The following ARHGEF2 variants were observed in gnomAD, a reference collection of about 807,000 sequenced individuals.
ARHGEF2 encodes the protein rho guanine nucleotide exchange factor 2.
A neutral mutation model predicts 121.0 loss-of-function variants in ARHGEF2; 22 were observed. That is an observed-to-expected ratio of 0.18 (90% CI 0.13 to 0.26). The LOEUF (loss-of-function observed/expected upper bound fraction) is 0.26, where lower values mean the gene tolerates loss of function less well. Ranked by LOEUF, ARHGEF2 falls within the 10% of genes least tolerant of loss-of-function variation. ARHGEF2 has a pLI of 1.00. For missense variants in ARHGEF2, 907 were observed against 1,336.0 expected, an observed-to-expected ratio of 0.68 and a Z score of 5.01; for synonymous variants, 487 against 530.0, an observed-to-expected ratio of 0.92 and a Z score of 1.11.
Position 155,954,950 on chromosome 1 carries a change from A to G in ARHGEF2, c.1735T>C (p.Phe579Leu). The change falls in exon 14 of 22, where the codon TTC becomes CTC. Residue 579 changes from phenylalanine (F) to leucine (L), a missense_variant. Coordinates refer to ENST00000361247, the MANE Select transcript of ARHGEF2 (RefSeq NM_001162383.2). ...SVRTCPSRED[F>L]PLIETEDEAY... The stretch of plus-strand genomic sequence containing the variant: ...TCATCCTCTGTCTCAATCAGGGGGA[A>G]GTCCTCCCTGGATGGGCATCTGGAG... 1 of 1,611,602 alleles carries G rather than the reference A, an allele frequency of 6.2e-7. No homozygotes were observed. The highest frequency in any genetic ancestry group is 1.3e-5 in the African/African-American group (1 of 74,974).
At chr1:155,948,828 G>A (rs77513702) in intron 21 of ARHGEF2, among the ~76,000 whole-genome samples, 3,528 of 152,092 alleles carry the variant, frequency 0.023, 125 homozygotes, top group African/African-American at 0.081. Flanking sequence ...TCTTTCTGTC[G>A]CCCAGGCTGG....
chr1:155,973,574 C>T (rs1439186093), intron 1 of ARHGEF2, among the ~76,000 whole-genome samples: 1 of 151,978 alleles, frequency 6.6e-6, no homozygotes, highest in African/African-American at 2.4e-5. Flanking sequence ...GGCAAAACCC[C>T]ATCTCTACTA....
intron 14 of ARHGEF2, 119 bp from the exon 15 acceptor site, chr1:155,952,947 AT>A: frequency 1.1e-6 from 1 of 895,926 alleles, no homozygotes; most frequent in Non-Finnish European, 1.7e-6. Flanking sequence ...TAATTTTGTT[AT>A]TTTGGCATTT....
In ARHGEF2 at chr1:155,947,357, C is replaced by G. The variant is rs1212613560; in HGVS notation, c.*585G>C. The G allele has an allele frequency of 4.4e-6, 2 of 456,566 alleles. No homozygotes were observed. Among genetic ancestry groups the G allele is most frequent in the Admixed American group, 4.7e-5 (2 of 42,556 alleles). 28.3% of individuals were successfully genotyped at this position (456,566 alleles called of 1,614,324 possible). On this transcript the variant is annotated 3_prime_UTR_variant, in exon 22 of 22. Transcript: ENST00000361247. Reference sequence around the variant, plus strand: ...CCTTTATTCCATCAACTCCAGGAAGCCAGGTTATCTCCCAGGGCTTCCATG... The same window carrying G: ...CCTTTATTCCATCAACTCCAGGAAGGCAGGTTATCTCCCAGGGCTTCCATG...
intron 1 of ARHGEF2, among the ~76,000 whole-genome samples, chr1:155,971,905 A>C (rs1431990736): frequency 6.6e-6 from 1 of 151,048 alleles, no homozygotes; most frequent in East Asian, 1.9e-4. Flanking sequence ...ATATATACAT[A>C]TATATATATA....
chr1:155,952,315 C>A, intron 15 of ARHGEF2, 80 bp from the exon 16 acceptor site: 1 of 1,577,886 alleles, frequency 6.3e-7, no homozygotes, highest in South Asian at 1.1e-5. Context: ...ACATGTGGGA[C>A]ACTTGGGCAT....
chr1:155,958,452 T>C, intron 11 of ARHGEF2, 56 bp from the exon 12 acceptor site: 2 of 1,364,598 alleles, frequency 1.5e-6, no homozygotes, highest in African/African-American at 2.9e-5. Flanking sequence ...GAGCAGCTGC[T>C]TCCCTCTTTC....
rs377329421 is a variant in ARHGEF2 at position 155,957,452 on chromosome 1, G to A, written c.1715+261C>T. Among the ~76,000 whole-genome samples the A allele has an allele frequency of 5.9e-5, 9 of 152,374 alleles. No homozygotes were observed. The East Asian group carries it at 1.7e-3, about 29-fold the overall frequency. On this transcript the variant is annotated intron_variant, in intron 13 of 21. Transcript: ENST00000361247. ...TGTTGGCTGGCAGGTATGCCACCAT[G>A]TGACAGCTCAAAGTATTCCCTTGCT...
At position 155,954,930 on chromosome 1, in the gene ARHGEF2, C is replaced by T. The variant is rs1421587096; in HGVS notation, c.1755G>A (p.Glu585=). 1 of 1,612,132 alleles carries T rather than the reference C, an allele frequency of 6.2e-7. No individual in the cohort carries two copies. Among genetic ancestry groups the T allele is most frequent in the Non-Finnish European group, 8.5e-7 (1 of 1,179,178 alleles). The change falls in exon 14 of 22, where the codon GAG becomes GAA. Residue 585 remains glutamate (E), a synonymous_variant. Coordinates refer to ENST00000361247, the MANE Select transcript of ARHGEF2 (RefSeq NM_001162383.2). The part of the protein sequence containing the change: ...SREDFPLIET[E]DEAYLRRIKM... ...TAATTCGCCGCAGGTAAGCCTCATC[C>T]TCTGTCTCAATCAGGGGGAAGTCCT...
In ARHGEF2 at chr1:155,947,613, T is replaced by C. The variant is rs1412812290; in HGVS notation, c.*329A>G. ...CAAGGACAAGGCCCTCTGATCCCTA[T>C]GGCTTGGTTCCCATGTCCCTGGTCC... On this transcript the variant is annotated 3_prime_UTR_variant, in exon 22 of 22. Transcript: ENST00000361247. 1.6e-5 allele frequency: 6 copies of C among 371,964 alleles called. No individual in the cohort carries two copies. The highest frequency in any genetic ancestry group is 3.1e-5 in the Non-Finnish European group (6 of 194,840). 23.0% of individuals were successfully genotyped at this position (371,964 alleles called of 1,614,324 possible).
At chr1:155,948,975 C>T (rs931858257) in intron 21 of ARHGEF2, among the ~76,000 whole-genome samples, 12 of 152,050 alleles carry the variant, frequency 7.9e-5, no homozygotes, top group Admixed American at 2.6e-4. Context: ...GGACCAGGCA[C>T]GGTGGCTCAC....
chr1:155,978,512 C>G lies in ARHGEF2; in HGVS notation c.-85G>C. 21 of 1,319,612 alleles carry G rather than the reference C, an allele frequency of 1.6e-5. No individual in the cohort carries two copies. The South Asian group carries it at 3.4e-4, about 21-fold the overall frequency. 81.7% of individuals were successfully genotyped at this position (1,319,612 alleles called of 1,614,324 possible). On this transcript the variant is annotated 5_prime_UTR_variant, in exon 1 of 22. Coordinates refer to ENST00000361247, the MANE Select transcript of ARHGEF2 (RefSeq NM_001162383.2). This position sits in a 1 kb window ranked among gnomAD's most constrained non-coding sequence, Gnocchi z 4.1. ...GGAAGGCGGGGGGAGGGGTTCGGCC[C>G]GCACGCGTTGGTCTCGGGGACAGGA...
intron 1 of ARHGEF2, among the ~76,000 whole-genome samples, chr1:155,977,882 C>T (rs1681583413): frequency 6.6e-6 from 1 of 152,176 alleles, no homozygotes; most frequent in African/African-American, 2.4e-5. Flanking sequence ...GGAAACCACC[C>T]CCTCCCGTCC....
At chr1:155,971,590 A>G (rs1680474361) in intron 1 of ARHGEF2, among the ~76,000 whole-genome samples, 1 of 150,856 alleles carries the variant, frequency 6.6e-6, no homozygotes. Context: ...AAAAAAAAAA[A>G]AAGAAGTTCA....
At position 155,951,945 on chromosome 1, in the gene ARHGEF2, T is replaced by G; in HGVS notation, c.2146A>C (p.Arg716=). The G allele has an allele frequency of 6.2e-7, 1 of 1,614,108 alleles. No individual in the cohort carries two copies. Among genetic ancestry groups the G allele is most frequent in the African/African-American group, 1.3e-5 (1 of 75,026 alleles). Residue 716 remains arginine (R), a synonymous_variant, in exon 17 of 22, where the codon AGA becomes CGA. Coordinates refer to ENST00000361247, the MANE Select transcript of ARHGEF2 (RefSeq NM_001162383.2). The surrounding 1 kb of genome is among the most constrained non-coding windows in gnomAD (Gnocchi z 5.1). ...CTCTGGCTAGAGTCTGAGTCAGCTC[T>G]GCAGAGTTCAATGGAGCCATTGAAG... The part of the protein sequence containing the change: ...RTFNGSIELC[R]ADSDSSQRDR...
At chr1:155,972,143 C>A (rs1680588483) in intron 1 of ARHGEF2, 2 of 389,886 alleles carry the variant, frequency 5.1e-6, no homozygotes, top group African/African-American at 2.1e-5. Flanking sequence ...AGGGAGAAGA[C>A]TGGGGCAGCC....
At position 155,963,118 on chromosome 1, in the gene ARHGEF2, C is replaced by T; in HGVS notation, c.790G>A (p.Gly264Arg). Residue 264 changes from glycine (G) to arginine (R), a missense_variant, in exon 8 of 22, where the codon GGG becomes AGG. Gly to Arg is a moderately radical substitution (Grantham distance 125, BLOSUM62 -2). Transcript: ENST00000361247. Reference protein sequence around the residue: ...LKIMTRLFRTGMLEELHLEPG... With the variant: ...LKIMTRLFRTRMLEELHLEPG... ...TCCAAGTGTAGCTCTTCCAGCATCC[C>T]CGTGCGGAAGAGGCGGGTCATGATC... is the stretch of plus-strand genomic sequence containing the variant. 5.0e-6 allele frequency: 8 copies of T among 1,613,970 alleles called. No individual in the cohort carries two copies. The highest frequency in any genetic ancestry group is 6.8e-6 in the Non-Finnish European group (8 of 1,179,998).
In ARHGEF2 at chr1:155,951,311, CCT is replaced by C. The variant is rs1312112501; in HGVS notation, c.2260-41_2260-40del. On this transcript the variant is annotated intron_variant, in intron 19 of 21. Coordinates refer to ENST00000361247, the MANE Select transcript of ARHGEF2 (RefSeq NM_001162383.2). This position sits in a 1 kb window ranked among gnomAD's most constrained non-coding sequence, Gnocchi z 5.1. ...GCAGGCAGAAGGGTTTATCAGAACCCCTGTGCTCTTCTACCCCTCGCCTTCAC... is the reference window on the plus strand; with the variant it reads ...GCAGGCAGAAGGGTTTATCAGAACCCGTGCTCTTCTACCCCTCGCCTTCAC... The C allele has an allele frequency of 6.4e-7, 1 of 1,573,000 alleles. No individual in the cohort carries two copies. Among genetic ancestry groups the C allele is most frequent in the Non-Finnish European group, 8.6e-7 (1 of 1,156,290 alleles).
In ARHGEF2 at chr1:155,978,316, G is replaced by C. The variant is rs1420677423; in HGVS notation, c.63+49C>G. ...AGATGCACCGCGGGTGCCGGGGTTCGGGGAGCACCCGAGGACCGCGGCGAA... is the reference window on the plus strand; with the variant it reads ...AGATGCACCGCGGGTGCCGGGGTTCCGGGAGCACCCGAGGACCGCGGCGAA... On this transcript the variant is annotated intron_variant, in intron 1 of 21. Coordinates refer to ENST00000361247, the MANE Select transcript of ARHGEF2 (RefSeq NM_001162383.2). The surrounding 1 kb of genome is among the most constrained non-coding windows in gnomAD (Gnocchi z 4.1). 2 of 1,435,190 alleles carry C rather than the reference G, an allele frequency of 1.4e-6. No individual in the cohort carries two copies. Among genetic ancestry groups the C allele is most frequent in the Middle Eastern group, 1.8e-4 (1 of 5,512 alleles). The allele number at this position is 1,435,190 out of a possible 1,614,324, so 88.9% of individuals were successfully genotyped here.
Sources: allele counts gnomAD v4.1 joint callset (sites outside exome capture counted in the v4.1 genomes callset), GRCh38; gene constraint gnomAD v4.1.1; non-coding constraint Gnocchi (gnomAD v3.1); transcripts MANE v1.5; gene names NCBI Gene and HGNC (gene_info 2026-07-23, HGNC 2026-07-21).